Variants in ZNF644 observed in about 807,000 individuals in gnomAD.
ZNF644 encodes the protein zinc finger protein 644, also known as zinc finger motif enhancer binding protein 2.
In ZNF644, 20 loss-of-function variants were observed where a neutral mutation model predicts 108.0. The ratio of observed to expected loss-of-function variants is 0.19; its 90% CI spans 0.13 to 0.27. The LOEUF (loss-of-function observed/expected upper bound fraction) is 0.27. ZNF644 is among the 10% of genes least tolerant of loss of function. ZNF644 has a pLI of 1.00. For synonymous variants in ZNF644, 542 were observed against 539.1 expected (o/e 1.01, Z -0.08); for missense variants, 1,338 against 1,548.9 (o/e 0.86, Z 2.29).
chr1:90,975,209 C>T (rs1210325633), intron 2 of ZNF644, among the ~76,000 whole-genome samples: 1 of 152,146 alleles, frequency 6.6e-6, no homozygotes, highest in Admixed American at 6.5e-5. Flanking sequence ...ACAGACATGG[C>T]CCTTGCCTTC....
rs79530888 is a variant in ZNF644 at position 90,992,272 on chromosome 1, T to G, written c.-17-9902A>C. ...AAATTGTTTACTTTAAGTGTGATTT[T>G]TTAATATGTCAATTATACTTCAATA... On this transcript the variant is annotated intron_variant, in intron 1 of 5. Transcript: ENST00000337393. Among the ~76,000 whole-genome samples, 731 of 152,264 alleles carry G rather than the reference T, an allele frequency of 4.8e-3. 17 individuals carry two copies. In the East Asian group the frequency reaches 0.05, roughly 10 times the overall value.
At chr1:90,962,546 ATAATAG>A (rs1234054434) in intron 2 of ZNF644, among the ~76,000 whole-genome samples, 1 of 152,242 alleles carries the variant, frequency 6.6e-6, no homozygotes, top group South Asian at 2.1e-4. Flanking sequence ...ATACAAAATA[ATAATAG>A]TAAGTTCTAG....
chr1:90,922,713 G>GA (rs1649597719), intron 4 of ZNF644, among the ~76,000 whole-genome samples: 1 of 151,842 alleles, frequency 6.6e-6, no homozygotes, highest in Admixed American at 6.6e-5. Flanking sequence ...CTGATAGGTA[G>GA]TTTTTTTTAT....
intron 4 of ZNF644, among the ~76,000 whole-genome samples, chr1:90,931,086 T>C (rs540008030): frequency 6.6e-6 from 1 of 152,290 alleles, no homozygotes; most frequent in South Asian, 2.1e-4. Context: ...CACTAGTACT[T>C]AGGTGTGACA....
At chr1:90,929,827 C>G (rs1047339672) in intron 4 of ZNF644, among the ~76,000 whole-genome samples, 1 of 152,158 alleles carries the variant, frequency 6.6e-6, no homozygotes, top group Non-Finnish European at 1.5e-5. Context: ...TACGATTACA[C>G]TTAAAAGTAA....
Position 90,917,359 on chromosome 1 carries a change from G to A in ZNF644, c.3792-369C>T, listed in dbSNP as rs184882470. ...GTCTATGTTTCTTCATGTGTGTTGT[G>A]TGTGAGTGTGAGTACGGAAGAAGGC... is the stretch of plus-strand genomic sequence containing the variant. On this transcript the variant is annotated intron_variant, in intron 5 of 5. Coordinates refer to ENST00000337393, the MANE Select transcript of ZNF644 (RefSeq NM_201269.3). 3.8e-4 allele frequency among the ~76,000 whole-genome samples: 58 copies of A among 152,292 alleles called. 1 individual carries two copies. In the East Asian group the frequency reaches 0.01, roughly 26 times the overall value.
intron 2 of ZNF644, among the ~76,000 whole-genome samples, chr1:90,976,985 C>T (rs1242650337): frequency 6.6e-6 from 1 of 151,834 alleles, no homozygotes; most frequent in Non-Finnish European, 1.5e-5. Flanking sequence ...AGGATTTTCT[C>T]AGCTCTTTTT....
intron 2 of ZNF644, among the ~76,000 whole-genome samples, chr1:90,962,737 C>A (rs1466749569): frequency 5.3e-5 from 8 of 152,124 alleles, no homozygotes; most frequent in Non-Finnish European, 1.0e-4. Flanking sequence ...CCAGAGTACT[C>A]CACTCACTCA....
intron 4 of ZNF644, among the ~76,000 whole-genome samples, chr1:90,920,062 G>A (rs1000480257): frequency 2.0e-5 from 3 of 152,030 alleles, no homozygotes; most frequent in Non-Finnish European, 4.4e-5. Context: ...TGAGCAATCT[G>A]AATTTAAGTG....
chr1:90,946,187 A>G (rs74099871), intron 2 of ZNF644, among the ~76,000 whole-genome samples: 1,924 of 152,214 alleles, frequency 0.013, 39 homozygotes, highest in African/African-American at 0.044. Context: ...TACCATACAC[A>G]ATGTACAAAC....
intron 2 of ZNF644, among the ~76,000 whole-genome samples, chr1:90,958,959 A>C (rs201720625): frequency 8.5e-6 from 1 of 117,022 alleles, no homozygotes; most frequent in Non-Finnish European, 1.9e-5. Context: ...AACAAACAAA[A>C]AACAGAAATT....
In ZNF644 at chr1:90,939,323, A is replaced by C. The variant is rs556880767; in HGVS notation, c.2031T>G (p.Ile677Met). Residue 677 changes from isoleucine (I) to methionine (M), a missense_variant, in exon 3 of 6, where the codon ATT becomes ATG. This residue lies in a region of ZNF644 where 462 missense variants were observed against 472.6 expected (regional missense o/e 0.98). Transcript: ENST00000337393. Reference sequence around the variant, plus strand: ...TCTGTATTCTGTGTGGCCGCTTATGAATTTTTGAAAAACTACTTGATTGTG... The same window carrying C: ...TCTGTATTCTGTGTGGCCGCTTATGCATTTTTGAAAAACTACTTGATTGTG... ...STSQSSSFSK[I>M]HKRPHRIQKA... 6.2e-7 allele frequency: 1 copy of C among 1,613,964 alleles called. No individual in the cohort carries two copies. The highest frequency in any genetic ancestry group is 8.5e-7 in the Non-Finnish European group (1 of 1,179,914).
chr1:90,960,533 G>A (rs1654231006), intron 2 of ZNF644, among the ~76,000 whole-genome samples: 1 of 152,076 alleles, frequency 6.6e-6, no homozygotes, highest in Non-Finnish European at 1.5e-5. Context: ...CCAATGAATT[G>A]TACACTAAAA....
chr1:90,943,192 A>G (rs1459829823), intron 2 of ZNF644, among the ~76,000 whole-genome samples: 1 of 152,184 alleles, frequency 6.6e-6, no homozygotes, highest in African/African-American at 2.4e-5. Flanking sequence ...CTGTAATCCC[A>G]GCACTTTGGG....
At chr1:90,921,362 CT>C (rs1186909338) in intron 4 of ZNF644, among the ~76,000 whole-genome samples, 2 of 151,884 alleles carry the variant, frequency 1.3e-5, no homozygotes, top group Non-Finnish European at 2.9e-5. Context: ...TACACAAAGC[CT>C]TTTTTTGTAA....
At position 90,916,760 on chromosome 1, in the gene ZNF644, A is replaced by T; in HGVS notation, c.*38T>A. 1 of 1,607,468 alleles carries T rather than the reference A, an allele frequency of 6.2e-7. No individual in the cohort carries two copies. The highest frequency in any genetic ancestry group is 8.5e-7 in the Non-Finnish European group (1 of 1,174,696). ...TAAAAAAAAAGAATTTCAAATTTAC[A>T]TCCAATTCAAACTGGCTATTTAAAA... On this transcript the variant is annotated 3_prime_UTR_variant, in exon 6 of 6. Coordinates refer to ENST00000337393, the MANE Select transcript of ZNF644 (RefSeq NM_201269.3).
chr1:90,935,742 G>C (rs1234584509), intron 4 of ZNF644, among the ~76,000 whole-genome samples: 1 of 152,168 alleles, frequency 6.6e-6, no homozygotes, highest in Non-Finnish European at 1.5e-5. Context: ...AAAGGTAGAC[G>C]AGGAGTGACT....
At chr1:91,012,864 T>C (rs1176065189) in intron 1 of ZNF644, among the ~76,000 whole-genome samples, 4 of 152,144 alleles carry the variant, frequency 2.6e-5, no homozygotes, top group Non-Finnish European at 5.9e-5. Context: ...TAAAAACAAG[T>C]AACCAATTAA....
intron 1 of ZNF644, among the ~76,000 whole-genome samples, chr1:90,996,025 T>C (rs75440446): frequency 0.057 from 8,729 of 152,196 alleles, 319 homozygotes; most frequent in Middle Eastern, 0.12. Context: ...CACAGACACA[T>C]AAATACTGCA....
Sources: gnomAD v4.1 joint callset for allele counts (sites outside exome capture counted in the v4.1 genomes callset) on GRCh38, gnomAD v4.1.1 for gene constraint, gnomAD v4.1.1 regional missense constraint, MANE v1.5 for transcripts, NCBI Gene and HGNC (gene_info 2026-07-23, HGNC 2026-07-21) for gene names.